Variants in RHOU observed in about 807,000 individuals in gnomAD.
RHOU encodes the protein rho-related GTP-binding protein RhoU.
RHOU carries 8 observed loss-of-function variants against 12.6 expected under a neutral mutation model. That is an observed-to-expected ratio of 0.64 (90% CI 0.37 to 1.15). The LOEUF (loss-of-function observed/expected upper bound fraction) is 1.15, where lower values mean the gene tolerates loss of function less well. Ranked by LOEUF, RHOU falls within the 50% of genes most tolerant of loss-of-function variation. The probability of loss-of-function intolerance (pLI) is 0.01; values close to 1 mark genes in which losing one functional copy is unlikely to be tolerated. For synonymous variants in RHOU, 161 were observed against 147.4 expected (o/e 1.09, Z -0.67); for missense variants, 258 against 347.0 (o/e 0.74, Z 2.04).
At chr1:228,677,170 G>C in the RHOU span, among the ~76,000 whole-genome samples, 1 of 152,028 alleles carries the variant, frequency 6.6e-6, no homozygotes, top group African/African-American at 2.4e-5. Flanking sequence ...GAAAGGTTTT[G>C]GGGTAAGGGG....
chr1:228,722,667 G>A, the RHOU span, among the ~76,000 whole-genome samples: 1 of 150,500 alleles, frequency 6.6e-6, no homozygotes, highest in African/African-American at 2.5e-5. Context: ...TCTATCAGCA[G>A]GCCGGAGTGC....
At chr1:228,665,549 A>T in the RHOU span, among the ~76,000 whole-genome samples, 3 of 152,254 alleles carry the variant, frequency 2.0e-5, no homozygotes, top group Admixed American at 1.3e-4. Flanking sequence ...TGGAGTGGGG[A>T]ACAGTAATAT....
the RHOU span, among the ~76,000 whole-genome samples, chr1:228,686,281 T>C: frequency 6.6e-6 from 1 of 152,142 alleles, no homozygotes; most frequent in African/African-American, 2.4e-5. Context: ...TTGTAGTTAC[T>C]CAATGTGTTT....
At chr1:228,703,419 G>C in the RHOU span, among the ~76,000 whole-genome samples, 2 of 151,882 alleles carry the variant, frequency 1.3e-5, no homozygotes, top group African/African-American at 4.8e-5. Context: ...CCAGCTACTC[G>C]GGAGGCTGAG....
At chr1:228,712,962 T>G in the RHOU span, among the ~76,000 whole-genome samples, 1 of 151,580 alleles carries the variant, frequency 6.6e-6, no homozygotes, top group Non-Finnish European at 1.5e-5. Context: ...TGAGTCTGAC[T>G]ATATATATAT....
the RHOU span, among the ~76,000 whole-genome samples, chr1:228,704,171 C>G: frequency 6.6e-6 from 1 of 152,050 alleles, no homozygotes; most frequent in African/African-American, 2.4e-5. Flanking sequence ...CCTGGAAGCC[C>G]CCACCTCAAG....
the RHOU span, among the ~76,000 whole-genome samples, chr1:228,651,773 G>A: frequency 6.6e-6 from 1 of 152,212 alleles, no homozygotes; most frequent in Admixed American, 6.5e-5. Context: ...TTTGAAGGAA[G>A]CACAATTTCC....
chr1:228,722,917 G>A, the RHOU span, among the ~76,000 whole-genome samples: 1 of 152,064 alleles, frequency 6.6e-6, no homozygotes, highest in Admixed American at 6.6e-5. Flanking sequence ...CACCATTCCC[G>A]GCCCCGGCCT....
At chr1:228,701,470 A>T in the RHOU span, among the ~76,000 whole-genome samples, 9 of 152,150 alleles carry the variant, frequency 5.9e-5, no homozygotes, top group East Asian at 1.5e-3. Flanking sequence ...AAAGTGAACA[A>T]AAATTTTTTA....
At chr1:228,709,228 C>T in the RHOU span, among the ~76,000 whole-genome samples, 1 of 151,292 alleles carries the variant, frequency 6.6e-6, no homozygotes, top group Non-Finnish European at 1.5e-5. Flanking sequence ...TAACACCCCA[C>T]TGTCAACATT....
chr1:228,704,738 G>T, the RHOU span, among the ~76,000 whole-genome samples: 1 of 151,894 alleles, frequency 6.6e-6, no homozygotes, highest in African/African-American at 2.4e-5. Flanking sequence ...GATAACAGGG[G>T]TCAGCCACTG....
intron 2 of RHOU, among the ~76,000 whole-genome samples, chr1:228,740,475 TG>T (rs1662699034): frequency 3.2e-5 from 4 of 123,854 alleles, no homozygotes; most frequent in African/African-American, 1.5e-4. Context: ...ATAAGTCAGT[TG>T]TTCTGTTTTT....
At chr1:228,673,601 A>T in the RHOU span, among the ~76,000 whole-genome samples, 2 of 152,100 alleles carry the variant, frequency 1.3e-5, no homozygotes, top group African/African-American at 4.8e-5. Flanking sequence ...TGGTTGTTTA[A>T]AAGTGTGTAG....
At chr1:228,666,552 T>C in the RHOU span, among the ~76,000 whole-genome samples, 2 of 152,168 alleles carry the variant, frequency 1.3e-5, no homozygotes, top group African/African-American at 4.8e-5. Context: ...TTTTTTTGTA[T>C]CCTTTAACAA....
chr1:228,693,623 C>T, the RHOU span, among the ~76,000 whole-genome samples: 1 of 152,104 alleles, frequency 6.6e-6, no homozygotes, highest in African/African-American at 2.4e-5. Flanking sequence ...CGCGCCACCA[C>T]GGCCGGCTAA....
chr1:228,646,763 C>G, the RHOU span, among the ~76,000 whole-genome samples: 26 of 152,188 alleles, frequency 1.7e-4, no homozygotes, highest in African/African-American at 5.5e-4. Flanking sequence ...CGTTCGTTCT[C>G]GTTCCGGAAC....
the RHOU span, among the ~76,000 whole-genome samples, chr1:228,683,172 G>A: frequency 0.067 from 10,105 of 150,934 alleles, 449 homozygotes; most frequent in Middle Eastern, 0.13. Flanking sequence ...ATTTTAACTC[G>A]GTTCTGAGTC....
chr1:228,646,781 C>T, the RHOU span, among the ~76,000 whole-genome samples: 2 of 152,136 alleles, frequency 1.3e-5, no homozygotes, highest in East Asian at 3.9e-4. Flanking sequence ...AACCCGCACG[C>T]GAGCACGGGT....
At chr1:228,663,629 T>C in the RHOU span, among the ~76,000 whole-genome samples, 5 of 123,390 alleles carry the variant, frequency 4.1e-5, no homozygotes, top group South Asian at 5.8e-4. Context: ...TCTTTTCTTT[T>C]TTTTTTTTTT....
Sources: gnomAD v4.1 joint callset for allele counts (sites outside exome capture counted in the v4.1 genomes callset) on GRCh38, gnomAD v4.1.1 for gene constraint, MANE v1.5 for transcripts, NCBI Gene and HGNC (gene_info 2026-07-23, HGNC 2026-07-21) for gene names.